Variants in POLR3A observed in about 807,000 individuals in gnomAD.
POLR3A encodes the protein DNA-directed RNA polymerase III subunit RPC1.
A neutral mutation model predicts 152.8 loss-of-function variants in POLR3A; 112 were observed. The ratio of observed to expected loss-of-function variants is 0.73; its 90% CI spans 0.63 to 0.86. POLR3A has a LOEUF of 0.86. POLR3A is among the 40% of genes least tolerant of loss of function. POLR3A has a pLI of 0.00. For synonymous variants in POLR3A, 615 were observed against 652.1 expected (o/e 0.94, Z 0.87); for missense variants, 1,385 against 1,743.1 (o/e 0.79, Z 3.66).
chr10:78,009,630 T>C lies in POLR3A; in HGVS notation c.1816A>G (p.Arg606Gly). ...TGKQIFSVIL[R>G]PSDDNPVRAN... ...CTCACTGGATTGTCATCGCTAGGCC[T>C]GAGGATGACACTGAAGATCTGCTTT... The change falls in exon 14 of 31, where the codon AGG (arginine) becomes GGG (glycine). Residue 606 changes from arginine (R) to glycine (G), a missense_variant. By Grantham distance (125) the Arg-to-Gly change is moderately radical. Around this residue, in one of 7 missense-constraint regions of POLR3A, gnomAD observed 188 missense variants for 179.9 expected, o/e 1.04. Transcript: ENST00000372371. 1.2e-6 allele frequency: 2 copies of C among 1,614,150 alleles called. No homozygotes were observed. Among genetic ancestry groups the C allele is most frequent in the South Asian group, 1.1e-5 (1 of 91,084 alleles).
chr10:78,006,200 C>A (rs1407419571), intron 15 of POLR3A, among the ~76,000 whole-genome samples: 1 of 151,644 alleles, frequency 6.6e-6, no homozygotes, highest in Non-Finnish European at 1.5e-5. Flanking sequence ...AGTTCGAGAC[C>A]ACCCTGGCCA....
intron 30 of POLR3A, among the ~76,000 whole-genome samples, chr10:77,978,929 T>C (rs965893606): frequency 1.3e-5 from 2 of 152,136 alleles, no homozygotes; most frequent in Non-Finnish European, 2.9e-5. Context: ...CCCAAAGTGC[T>C]GGGATTACAG....
intron 8 of POLR3A, chr10:78,020,200 A>C (rs903251832): frequency 6.8e-6 from 1 of 147,422 alleles, no homozygotes; most frequent in Non-Finnish European, 1.5e-5. Context: ...AAAAAGTGCT[A>C]GCTGGGCACA....
At chr10:78,004,023 C>T (rs1847385807) in intron 16 of POLR3A, among the ~76,000 whole-genome samples, 1 of 147,550 alleles carries the variant, frequency 6.8e-6, no homozygotes, top group African/African-American at 2.6e-5. Context: ...ATCACGAGGT[C>T]AGGAGATCGA....
At chr10:77,978,455 T>TGTC (rs1847109639) in intron 30 of POLR3A, among the ~76,000 whole-genome samples, 1 of 152,102 alleles carries the variant, frequency 6.6e-6, no homozygotes, top group African/African-American at 2.4e-5. Flanking sequence ...TCAAGGAGAC[T>TGTC]GGTGGTGGAG....
At chr10:78,012,305 A>C (rs540884209) in intron 11 of POLR3A, among the ~76,000 whole-genome samples, 1 of 152,108 alleles carries the variant, frequency 6.6e-6, no homozygotes, top group East Asian at 1.9e-4. Context: ...TAGAGGTTGC[A>C]GTGGGCTGAG....
chr10:78,000,188 A>C (rs1847343379), intron 18 of POLR3A, 70 bp from the exon 19 acceptor site: 1 of 1,360,220 alleles, frequency 7.4e-7, no homozygotes, highest in African/African-American at 1.4e-5. Flanking sequence ...AAATCCACTC[A>C]AATCAGAAAA....
chr10:78,000,071 C>T lies in POLR3A; in HGVS notation c.2526G>A (p.Leu842=), dbSNP rs926303629. ...GFVANSFYSG[L]TPTEFFFHTM... ...TGTGGAAGAAAAACTCAGTTGGTGT[C>T]AAACCGGAATAAAAGCTATTAGCCA... Residue 842 remains leucine (L), a synonymous_variant, in exon 19 of 31, where the codon TTG becomes TTA. Transcript: ENST00000372371. 6.2e-7 allele frequency: 1 copy of T among 1,613,942 alleles called. No individual in the cohort carries two copies. Among genetic ancestry groups the T allele is most frequent in the East Asian group, 2.2e-5 (1 of 44,878 alleles).
At chr10:78,012,067 TA>T (rs1443917104) in intron 11 of POLR3A, among the ~76,000 whole-genome samples, 1 of 152,176 alleles carries the variant, frequency 6.6e-6, no homozygotes, top group Non-Finnish European at 1.5e-5. Context: ...ATGCTCATTA[TA>T]GAAAATAAAT....
At chr10:77,987,085 G>A (rs1174966232) in intron 21 of POLR3A, among the ~76,000 whole-genome samples, 1 of 152,170 alleles carries the variant, frequency 6.6e-6, no homozygotes, top group African/African-American at 2.4e-5. Flanking sequence ...CACAGGGAAG[G>A]AGCACTTACA....
intron 15 of POLR3A, among the ~76,000 whole-genome samples, chr10:78,006,395 C>CAA (rs36050560): frequency 0.055 from 1,213 of 21,878 alleles, 186 homozygotes; most frequent in East Asian, 0.21. Context: ...GACTCTGTCT[C>CAA]AAAAAAAAAA....
chr10:78,009,917 C>G lies in POLR3A; in HGVS notation c.1717G>C (p.Val573Leu). Residue 573 changes from valine (V) to leucine (L), a missense_variant, in exon 13 of 31, where the codon GTT becomes CTT. This residue lies in a region of POLR3A where 188 missense variants were observed against 179.9 expected (regional missense o/e 1.04). Coordinates refer to ENST00000372371, the MANE Select transcript of POLR3A (RefSeq NM_007055.4). ...KACQIIASILVGKDEKIKVRL... is the reference protein window; with the variant it reads ...KACQIIASILLGKDEKIKVRL... ...ACTTTAATTTTCTCATCCTTGCCAA[C>G]CAGTATTGAAGCAATGATTTGGCAA... 6.2e-7 allele frequency: 1 copy of G among 1,614,080 alleles called. No individual in the cohort carries two copies. Among genetic ancestry groups the G allele is most frequent in the Non-Finnish European group, 8.5e-7 (1 of 1,180,030 alleles).
intron 24 of POLR3A, among the ~76,000 whole-genome samples, 159 bp from the exon 25 acceptor site, chr10:77,984,457 C>G (rs563440513): frequency 1.3e-4 from 20 of 152,328 alleles, no homozygotes; most frequent in Middle Eastern, 6.8e-3. Context: ...CATTCTCCTG[C>G]CTCAGCCTCT....
chr10:78,022,086 G>T lies in POLR3A; in HGVS notation c.885+59C>A. 1.9e-6 allele frequency: 3 copies of T among 1,614,010 alleles called. No homozygotes were observed. The South Asian group carries it at 3.3e-5, about 18-fold the overall frequency. On this transcript the variant is annotated intron_variant, in intron 6 of 30. Transcript: ENST00000372371. ...AGTTTGATTTTTCTCACATTTTCTT[G>T]ACCAGAAGTTTTTGGATAGATATAC... is the stretch of plus-strand genomic sequence containing the variant.
At position 77,982,837 on chromosome 10, in the gene POLR3A, A is replaced by AG; in HGVS notation, c.3430-21dup. 6.2e-7 allele frequency: 1 copy of AG among 1,611,444 alleles called. No individual in the cohort carries two copies. The highest frequency in any genetic ancestry group is 8.5e-7 in the Non-Finnish European group (1 of 1,177,624). ...GTTCACCTGCAACATGGCCAGGTGT[A>AG]GGTGTTACTGATTCCAGTGTTGTTC... On this transcript the variant is annotated intron_variant, in intron 26 of 30. Coordinates refer to ENST00000372371, the MANE Select transcript of POLR3A (RefSeq NM_007055.4).
chr10:77,986,702 T>TCCCCACA (rs1247184077), intron 21 of POLR3A, among the ~76,000 whole-genome samples: 1 of 152,196 alleles, frequency 6.6e-6, no homozygotes, highest in Admixed American at 6.5e-5. Context: ...TTTTCCCCTC[T>TCCCCACA]GGTAACCACC....
chr10:78,000,205 A>C (rs1847343567), intron 18 of POLR3A, 87 bp from the exon 19 acceptor site: 1 of 1,143,030 alleles, frequency 8.7e-7, no homozygotes, highest in Non-Finnish European at 1.3e-6. Flanking sequence ...AAAATGCCCC[A>C]CCTTGAGACT....
At chr10:77,997,017 T>C (rs1847308585) in intron 19 of POLR3A, among the ~76,000 whole-genome samples, 1 of 152,064 alleles carries the variant, frequency 6.6e-6, no homozygotes, top group Non-Finnish European at 1.5e-5. Flanking sequence ...CATACACAGA[T>C]CAATAAATGT....
At chr10:78,022,886 A>T (rs1847593570) in intron 5 of POLR3A, among the ~76,000 whole-genome samples, 1 of 152,218 alleles carries the variant, frequency 6.6e-6, no homozygotes, top group African/African-American at 2.4e-5. Flanking sequence ...GGCTGGGCGT[A>T]GTGGCTCATG....
Sources: allele counts gnomAD v4.1 joint callset (sites outside exome capture counted in the v4.1 genomes callset), GRCh38; gene constraint gnomAD v4.1.1; regional missense constraint gnomAD v4.1.1; transcripts MANE v1.5; gene names NCBI Gene and HGNC (gene_info 2026-07-23, HGNC 2026-07-21).